Variants in NR3C2 observed in about 807,000 individuals in gnomAD.
NR3C2 encodes nuclear receptor subfamily 3 group C member 2.
In NR3C2, 15 loss-of-function variants were observed where a neutral mutation model predicts 86.4. The observed-to-expected ratio is 0.17, with a 90% CI of 0.12 to 0.27. NR3C2 has a LOEUF of 0.27. NR3C2 is among the 10% of genes least tolerant of loss of function. The probability of loss-of-function intolerance (pLI) is 1.00; values close to 1 mark genes in which losing one functional copy is unlikely to be tolerated. For synonymous variants in NR3C2, 458 were observed against 450.5 expected, an observed-to-expected ratio of 1.02 and a Z score of -0.21; for missense variants, 960 against 1,195.6, an observed-to-expected ratio of 0.80 and a Z score of 2.91.
intron 2 of NR3C2, among the ~76,000 whole-genome samples, chr4:148,360,762 T>C (rs947300007): frequency 3.3e-5 from 5 of 152,200 alleles, no homozygotes; most frequent in African/African-American, 1.2e-4. Flanking sequence ...GTAAATCCTA[T>C]ATGCCAGGTA....
Position 148,125,651 on chromosome 4 carries a change from A to G in NR3C2, c.2511-5363T>C, listed in dbSNP as rs1036783491. On this transcript the variant is annotated intron_variant, in intron 6 of 8. Transcript: ENST00000358102. ...TTAAAAAGCTCAGTTTAGTTCCATC[A>G]TTTTGATTGGTAACTGCAAACTTCT... is the stretch of plus-strand genomic sequence containing the variant. 5.9e-5 allele frequency among the ~76,000 whole-genome samples: 9 copies of G among 152,234 alleles called. 1 individual carries two copies. The highest frequency in any genetic ancestry group is 5.9e-4 in the Admixed American group (9 of 15,268).
chr4:148,154,831 T>C lies in NR3C2; in HGVS notation c.2085A>G (p.Pro695=). Residue 695 remains proline, a synonymous_variant, in exon 5 of 9, where the codon CCA becomes CCG. Coordinates refer to ENST00000358102, the MANE Select transcript of NR3C2 (RefSeq NM_000901.5). The part of the protein sequence containing the change: ...HEEQPQQQQP[P]PPPPPPQSPE... ...GGCTTTGCGGGGGTGGGGGTGGGGG[T>C]GGGGGCTGCTGCTGCTGTGGCTGCT... 2.3e-6 allele frequency: 1 copy of C among 431,476 alleles called. No homozygotes were observed. The highest frequency in any genetic ancestry group is 1.7e-5 in the South Asian group (1 of 60,266). The allele number at this position is 431,476 out of a possible 1,614,324, so 26.7% of individuals were successfully genotyped here. A position where few individuals can be genotyped will look rare whatever the true frequency, so the allele number is the denominator to read the frequency against.
intron 2 of NR3C2, among the ~76,000 whole-genome samples, chr4:148,334,191 G>C (rs1297499435): frequency 6.6e-6 from 1 of 152,130 alleles, no homozygotes; most frequent in Non-Finnish European, 1.5e-5. Context: ...CTTTGATTTA[G>C]AGAAAGTACA....
At chr4:148,092,830 A>T (rs974473304) in intron 8 of NR3C2, among the ~76,000 whole-genome samples, 2 of 152,014 alleles carry the variant, frequency 1.3e-5, no homozygotes, top group South Asian at 4.1e-4. Context: ...CTGGGGTCGG[A>T]GTGGGGAGGG....
chr4:148,084,351 G>GT (rs1465868676), intron 8 of NR3C2, among the ~76,000 whole-genome samples: 20 of 152,232 alleles, frequency 1.3e-4, no homozygotes, highest in African/African-American at 4.8e-4. Context: ...CCAGAAGAGA[G>GT]TGGGGGCCAA....
chr4:148,248,848 A>T (rs1255864548), intron 3 of NR3C2, among the ~76,000 whole-genome samples: 1 of 151,982 alleles, frequency 6.6e-6, no homozygotes, highest in Non-Finnish European at 1.5e-5. Context: ...ACAAAGAAAA[A>T]CTCTTTAAAA....
intron 8 of NR3C2, among the ~76,000 whole-genome samples, chr4:148,082,531 C>T (rs1730614882): frequency 1.3e-5 from 2 of 152,086 alleles, no homozygotes; most frequent in South Asian, 4.1e-4. Context: ...GCATTCTGGC[C>T]CAGATACTAC....
At chr4:148,441,727 T>C (rs149583495) in intron 1 of NR3C2, among the ~76,000 whole-genome samples, 29 of 152,348 alleles carry the variant, frequency 1.9e-4, no homozygotes, top group African/African-American at 6.7e-4. Context: ...GCCCCTTTTA[T>C]ACAGGATCTA....
chr4:148,192,339 T>C (rs1218546260), intron 4 of NR3C2, among the ~76,000 whole-genome samples: 2 of 152,206 alleles, frequency 1.3e-5, no homozygotes, highest in Non-Finnish European at 1.5e-5. Flanking sequence ...GAACTGTCTA[T>C]GGGTCTCTCA....
intron 2 of NR3C2, among the ~76,000 whole-genome samples, chr4:148,331,379 C>A (rs893085023): frequency 2.6e-5 from 4 of 152,174 alleles, no homozygotes; most frequent in African/African-American, 9.6e-5. Flanking sequence ...GGGCTACATC[C>A]ATCAACATAA....
chr4:148,130,673 T>C (rs79152173), intron 6 of NR3C2, among the ~76,000 whole-genome samples: 1 of 152,184 alleles, frequency 6.6e-6, no homozygotes, highest in Admixed American at 6.5e-5. Flanking sequence ...ACAGATTTCA[T>C]AGACTTTCAG....
At chr4:148,401,677 T>C (rs1005571980) in intron 2 of NR3C2, among the ~76,000 whole-genome samples, 3 of 152,106 alleles carry the variant, frequency 2.0e-5, no homozygotes, top group Non-Finnish European at 2.9e-5. Context: ...TTAGCCAGGA[T>C]GGTCTCGATC....
At chr4:148,341,355 C>A (rs1339816253) in intron 2 of NR3C2, among the ~76,000 whole-genome samples, 1 of 152,012 alleles carries the variant, frequency 6.6e-6, no homozygotes, top group African/African-American at 2.4e-5. Flanking sequence ...AAGCCAGGAA[C>A]AGAAAGATAA....
At chr4:148,400,845 T>C (rs2126530595) in intron 2 of NR3C2, among the ~76,000 whole-genome samples, 1 of 151,880 alleles carries the variant, frequency 6.6e-6, no homozygotes, top group South Asian at 2.1e-4. Flanking sequence ...ATAAATTTGC[T>C]TTAGCAATTA....
chr4:148,176,569 CAA>C (rs1735385521), intron 4 of NR3C2, among the ~76,000 whole-genome samples: 1 of 152,182 alleles, frequency 6.6e-6, no homozygotes, highest in African/African-American at 2.4e-5. Flanking sequence ...CACTTTGAAG[CAA>C]AGAGAAAGAA....
chr4:148,084,967 A>C (rs533032207), intron 8 of NR3C2, among the ~76,000 whole-genome samples: 1 of 152,208 alleles, frequency 6.6e-6, no homozygotes, highest in Non-Finnish European at 1.5e-5. Context: ...TCCTAAATAT[A>C]TATGCACCCA....
chr4:148,152,615 TG>T lies in NR3C2; in HGVS notation c.2366-3del. 6.2e-7 allele frequency: 1 copy of T among 1,613,724 alleles called. No homozygotes were observed. The highest frequency in any genetic ancestry group is 1.7e-5 in the Admixed American group (1 of 60,020). ...CCTCAAGAGGCAAGTTTTTAAATCC[TG>T]AAGAACAAAACAATTAATCACAGAA... On this transcript the variant is annotated splice_polypyrimidine_tract_variant and splice_region_variant and intron_variant, in intron 5 of 8. Coordinates refer to ENST00000358102, the MANE Select transcript of NR3C2 (RefSeq NM_000901.5).
At chr4:148,414,521 C>T (rs1025507438) in intron 2 of NR3C2, among the ~76,000 whole-genome samples, 1 of 152,122 alleles carries the variant, frequency 6.6e-6, no homozygotes, top group Non-Finnish European at 1.5e-5. Flanking sequence ...GATGATATGG[C>T]CTCTGTTCAG....
At chr4:148,181,425 A>T (rs1236697452) in intron 4 of NR3C2, among the ~76,000 whole-genome samples, 2 of 151,826 alleles carry the variant, frequency 1.3e-5, no homozygotes, top group East Asian at 3.9e-4. Flanking sequence ...AATAGGAAAA[A>T]CTCTATGATC....
Sources: gnomAD v4.1 joint callset for allele counts (sites outside exome capture counted in the v4.1 genomes callset) on GRCh38, gnomAD v4.1.1 for gene constraint, MANE v1.5 for transcripts, NCBI Gene and HGNC (gene_info 2026-07-23, HGNC 2026-07-21) for gene names.